Variants in B3GNT6 observed in about 807,000 individuals in gnomAD.
B3GNT6 encodes acetylgalactosaminyl-O-glycosyl-glycoprotein beta-1,3-N-acetylglucosaminyltransferase.
For synonymous variants in B3GNT6, 300 were observed against 270.0 expected (o/e 1.11, Z -1.09); for missense variants, 624 against 568.6 (o/e 1.10, Z -0.99).
intron 1 of B3GNT6, among the ~76,000 whole-genome samples, chr11:77,035,129 G>C (rs560133410): frequency 1.8e-4 from 27 of 152,252 alleles, no homozygotes; most frequent in Admixed American, 1.8e-3. Flanking sequence ...AAAGAAAGGG[G>C]AATTCTAGGC....
rs782784317 is a variant in B3GNT6 at position 77,040,506 on chromosome 11, G to A, written c.955G>A (p.Ala319Thr). ...CTACATGGGCATGTGTCTGGAGCGC[G>A]CCGGCCTGGCGCCCAGCGGCCACGA... ...DAYMGMCLER[A>T]GLAPSGHEGI... The change falls in exon 2 of 2, where the codon GCC becomes ACC. Residue 319 changes from alanine to threonine, a missense_variant. Ala to Thr is a moderately conservative substitution (Grantham distance 58, BLOSUM62 0). Transcript: ENST00000622824. The A allele has an allele frequency of 2.6e-6, 4 of 1,546,956 alleles. No individual in the cohort carries two copies. Among genetic ancestry groups the A allele is most frequent in the Non-Finnish European group, 3.5e-6 (4 of 1,152,658 alleles).
Position 77,040,352 on chromosome 11 carries a change from G to T in B3GNT6, c.801G>T (p.Pro267=). Residue 267 remains proline, a synonymous_variant, in exon 2 of 2, where the codon CCG becomes CCT. Transcript: ENST00000622824. ...IRDSWSKYFV[P]PQLFPGSAYP... ...ACAGCTGGAGCAAGTACTTCGTGCC[G>T]CCGCAGCTCTTCCCCGGGTCCGCTT... The T allele has an allele frequency of 1.3e-6, 2 of 1,543,256 alleles. No homozygotes were observed. The highest frequency in any genetic ancestry group is 8.7e-7 in the Non-Finnish European group (1 of 1,151,088).
In B3GNT6 at chr11:77,039,540, T is replaced by C. The variant is rs924642048; in HGVS notation, c.1-12T>C. 2 of 1,559,432 alleles carry C rather than the reference T, an allele frequency of 1.3e-6. No homozygotes were observed. The highest frequency in any genetic ancestry group is 2.4e-5 in the South Asian group (2 of 81,970). The stretch of plus-strand genomic sequence containing the variant: ...GACTTCCGGCTCACCTCTGACTCGG[T>C]TTCCCCCACAGATGGCTTTTCCCTG... On this transcript the variant is annotated splice_polypyrimidine_tract_variant and intron_variant, in intron 1 of 1. Transcript: ENST00000622824.
In B3GNT6 at chr11:77,040,006, G is replaced by C; in HGVS notation, c.455G>C (p.Arg152Pro). Residue 152 changes from arginine to proline, a missense_variant, in exon 2 of 2, where the codon CGC (arginine) becomes CCC (proline). Transcript: ENST00000622824. ...QERSYGGRPV[R>P]RLFLLGTPGP... is the part of the protein sequence containing the mutation. ...CGCAGCTACGGCGGGCGGCCAGTGC[G>C]CCGCCTCTTTCTATTGGGCACCCCG... 1.9e-6 allele frequency: 3 copies of C among 1,574,792 alleles called. No individual in the cohort carries two copies. Among genetic ancestry groups the C allele is most frequent in the Non-Finnish European group, 2.6e-6 (3 of 1,169,222 alleles).
At position 77,039,771 on chromosome 11, in the gene B3GNT6, G is replaced by C. The variant is rs782142090; in HGVS notation, c.220G>C (p.Ala74Pro). 7 of 1,587,784 alleles carry C rather than the reference G, an allele frequency of 4.4e-6. No homozygotes were observed. The highest frequency in any genetic ancestry group is 2.3e-5 in the East Asian group (1 of 43,682). The change falls in exon 2 of 2, where the codon GCC becomes CCC. Residue 74 changes from alanine (A) to proline (P), a missense_variant. Transcript: ENST00000622824. ...CCCCGGGCCCCCGTGCGTGGCGAAC[G>C]CCTCGGCGAACGCCACGGCCGACTT... ...LVPGPPCVAN[A>P]SANATADFEQ...
chr11:77,038,398 G>GAA (rs372967129), intron 1 of B3GNT6, among the ~76,000 whole-genome samples: 3 of 131,310 alleles, frequency 2.3e-5, no homozygotes, highest in Admixed American at 7.8e-5. Flanking sequence ...CGTCTCTACA[G>GAA]AAAAAAAAAA....
intron 1 of B3GNT6, among the ~76,000 whole-genome samples, chr11:77,036,447 G>T (rs1347978067): frequency 6.6e-6 from 1 of 152,200 alleles, no homozygotes; most frequent in Non-Finnish European, 1.5e-5. Context: ...TGTATGGACT[G>T]TAATACACAA....
chr11:77,040,929 A>C lies in B3GNT6; in HGVS notation c.*223A>C. On this transcript the variant is annotated 3_prime_UTR_variant, in exon 2 of 2. Transcript: ENST00000622824. ...TGGGGTGGACCCAGACATGTTAAGT[A>C]TTTTTTAAGTTCCTCCAGTGATGCG... 1.5e-6 allele frequency: 1 copy of C among 656,392 alleles called. No homozygotes were observed. The highest frequency in any genetic ancestry group is 2.3e-6 in the Non-Finnish European group (1 of 436,230). The allele number at this position is 656,392 out of a possible 1,614,324, so 40.7% of individuals were successfully genotyped here.
intron 1 of B3GNT6, among the ~76,000 whole-genome samples, chr11:77,039,125 G>A (rs1005233120): frequency 9.9e-5 from 15 of 152,166 alleles, no homozygotes; most frequent in African/African-American, 3.4e-4. Flanking sequence ...GGGAATAAAT[G>A]AGAGGGATGT....
rs1423694087 is a variant in B3GNT6, at chr11:77,039,665, G to A, written c.114G>A (p.Arg38=). 3 of 1,612,892 alleles carry A rather than the reference G, an allele frequency of 1.9e-6. No individual in the cohort carries two copies. The African/African-American group carries it at 4.0e-5, about 22-fold the overall frequency. The change falls in exon 2 of 2, where the codon CGG becomes CGA. Residue 38 remains arginine, a synonymous_variant. Coordinates refer to ENST00000622824, the MANE Select transcript of B3GNT6 (RefSeq NM_138706.5). ...QWFLQAPRSP[R]EERSPQEETP... is the part of the protein sequence containing the mutation. Reference sequence around the variant, plus strand: ...TCCTCCAGGCGCCAAGGTCCCCGCGGGAGGAGAGGTCCCCGCAGGAGGAGA... The same window carrying A: ...TCCTCCAGGCGCCAAGGTCCCCGCGAGAGGAGAGGTCCCCGCAGGAGGAGA...
Position 77,040,977 on chromosome 11 carries a change from C to T in B3GNT6, c.*271C>T, listed in dbSNP as rs896475526. ...GCGAATGTGCAGCTAGGCCTGAGGA[C>T]CACTCGGCTAGACTATCTCTTCATC... On this transcript the variant is annotated 3_prime_UTR_variant, in exon 2 of 2. Coordinates refer to ENST00000622824, the MANE Select transcript of B3GNT6 (RefSeq NM_138706.5). 7.5e-5 allele frequency: 34 copies of T among 454,580 alleles called. No homozygotes were observed. The highest frequency in any genetic ancestry group is 1.1e-4 in the Non-Finnish European group (30 of 268,432). 28.2% of individuals were successfully genotyped at this position (454,580 alleles called of 1,614,324 possible).
chr11:77,039,481 G>T, intron 1 of B3GNT6, 71 bp from the exon 2 acceptor site: 1 of 1,503,294 alleles, frequency 6.7e-7, no homozygotes, highest in African/African-American at 1.4e-5. Flanking sequence ...GAGAAGTGAC[G>T]GGGTACGGGT....
intron 1 of B3GNT6, among the ~76,000 whole-genome samples, chr11:77,038,628 T>A (rs1389801904): frequency 1.3e-5 from 2 of 152,150 alleles, no homozygotes; most frequent in East Asian, 3.9e-4. Flanking sequence ...TGACTGAATT[T>A]TTAGCAGGGC....
In B3GNT6 at chr11:77,040,820, T is replaced by A. The variant is rs1591092105; in HGVS notation, c.*114T>A. ...CAGCTCTGTGCACCTGAACCCCAGC[T>A]GCGCACTGAAATCAGCTGGGGTGGG... On this transcript the variant is annotated 3_prime_UTR_variant, in exon 2 of 2. Transcript: ENST00000622824. 2 of 1,394,808 alleles carry A rather than the reference T, an allele frequency of 1.4e-6. No homozygotes were observed. Among genetic ancestry groups the A allele is most frequent in the East Asian group, 5.4e-5 (2 of 37,162 alleles). The allele number at this position is 1,394,808 out of a possible 1,614,324, so 86.4% of individuals were successfully genotyped here.
Position 77,041,596 on chromosome 11 carries a change from AG to A in B3GNT6, c.*891del, listed in dbSNP as rs1377464359. On this transcript the variant is annotated 3_prime_UTR_variant, in exon 2 of 2. Transcript: ENST00000622824. Reference sequence around the variant, plus strand: ...GGGAACATGGAGGCCAGTGTTGGGGAGCCTGTGGAGGCAGGTGTGTAGAATT... The same window carrying A: ...GGGAACATGGAGGCCAGTGTTGGGGACCTGTGGAGGCAGGTGTGTAGAATT... 2 of 152,746 alleles carry A rather than the reference AG, an allele frequency of 1.3e-5. No homozygotes were observed. The highest frequency in any genetic ancestry group is 2.9e-5 in the Non-Finnish European group (2 of 68,504). 9.5% of individuals were successfully genotyped at this position (152,746 alleles called of 1,614,324 possible).
intron 1 of B3GNT6, among the ~76,000 whole-genome samples, chr11:77,036,802 TA>T (rs1443327920): frequency 6.6e-6 from 1 of 152,178 alleles, no homozygotes; most frequent in Non-Finnish European, 1.5e-5. Flanking sequence ...AGGGTGCTGG[TA>T]ATACAACGGT....
intron 1 of B3GNT6, among the ~76,000 whole-genome samples, chr11:77,038,203 G>A (rs1169216968): frequency 6.7e-6 from 1 of 150,198 alleles, no homozygotes; most frequent in Non-Finnish European, 1.5e-5. Context: ...CTGAGCAAAG[G>A]GAACTGAGAA....
In B3GNT6 at chr11:77,040,489, G is replaced by T; in HGVS notation, c.938G>T (p.Gly313Val). 6.5e-7 allele frequency: 1 copy of T among 1,540,686 alleles called. No individual in the cohort carries two copies. ...PLFPIDDAYMGMCLERAGLAP... is the reference protein window; with the variant it reads ...PLFPIDDAYMVMCLERAGLAP... ...TTCCCCATCGACGACGCCTACATGG[G>T]CATGTGTCTGGAGCGCGCCGGCCTG... Residue 313 changes from glycine (G) to valine (V), a missense_variant, in exon 2 of 2, where the codon GGC becomes GTC. By Grantham distance (109) the Gly-to-Val change is moderately radical (BLOSUM62 -3). Coordinates refer to ENST00000622824, the MANE Select transcript of B3GNT6 (RefSeq NM_138706.5).
intron 1 of B3GNT6, among the ~76,000 whole-genome samples, chr11:77,037,480 T>A (rs959143757): frequency 1.3e-5 from 2 of 152,040 alleles, no homozygotes; most frequent in African/African-American, 4.8e-5. Context: ...GACAGCCATA[T>A]GGAGCTGTTA....
Sources: allele counts gnomAD v4.1 joint callset (sites outside exome capture counted in the v4.1 genomes callset), GRCh38; gene constraint gnomAD v4.1.1; transcripts MANE v1.5; gene names NCBI Gene and HGNC (gene_info 2026-07-23, HGNC 2026-07-21).